Variants in NOS1AP observed in about 807,000 individuals in gnomAD.
NOS1AP encodes the protein carboxyl-terminal PDZ ligand of neuronal nitric oxide synthase protein.
Under a neutral mutation model 56.2 loss-of-function variants are expected in NOS1AP, and 21 were observed. The ratio of observed to expected loss-of-function variants is 0.37; its 90% CI spans 0.26 to 0.54. NOS1AP has a LOEUF of 0.54. Ranked by LOEUF, NOS1AP falls within the 20% of genes least tolerant of loss-of-function variation. NOS1AP has a pLI of 0.84. For missense variants in NOS1AP, 522 were observed against 657.8 expected (o/e 0.79, Z 2.26); for synonymous variants, 270 against 274.6 (o/e 0.98, Z 0.17).
At chr1:162,349,194 A>T (rs925211135) in intron 6 of NOS1AP, among the ~76,000 whole-genome samples, 36 of 151,536 alleles carry the variant, frequency 2.4e-4, no homozygotes, top group African/African-American at 8.7e-4. Flanking sequence ...ACTCCAAAAA[A>T]GGGGAAAAAA....
chr1:162,209,155 C>A (rs978568227), intron 2 of NOS1AP, among the ~76,000 whole-genome samples: 1 of 152,182 alleles, frequency 6.6e-6, no homozygotes, highest in Non-Finnish European at 1.5e-5. Context: ...CCCCATGGGG[C>A]CTCTGTATTT....
chr1:162,312,286 G>A (rs1429045767), intron 4 of NOS1AP, among the ~76,000 whole-genome samples: 1 of 142,058 alleles, frequency 7.0e-6, no homozygotes, highest in Non-Finnish European at 1.5e-5. Flanking sequence ...TAACTGGTGT[G>A]AGATGGTATC....
chr1:162,316,617 A>C (rs1300852220), intron 4 of NOS1AP, among the ~76,000 whole-genome samples: 1 of 152,228 alleles, frequency 6.6e-6, no homozygotes, highest in Non-Finnish European at 1.5e-5. Context: ...AGGCAGACTG[A>C]GTCCCAAAAG....
Position 162,165,677 on chromosome 1 carries a change from A to G in NOS1AP, c.177+11201A>G, listed in dbSNP as rs75865666. Among the ~76,000 whole-genome samples, 396 of 152,322 alleles carry G rather than the reference A, an allele frequency of 2.6e-3. 4 individuals carry two copies. Among genetic ancestry groups the G allele is most frequent in the African/African-American group, 8.7e-3 (360 of 41,580 alleles). ...TCTGACTCAGAGATCCTACAAGAAC[A>G]TGCCGACTGTCCCTGTTTAACCAAA... On this transcript the variant is annotated intron_variant, in intron 2 of 9. Transcript: ENST00000361897.
chr1:162,124,335 C>G (rs377274814), intron 1 of NOS1AP, among the ~76,000 whole-genome samples: 3 of 152,064 alleles, frequency 2.0e-5, no homozygotes, highest in East Asian at 1.9e-4. Flanking sequence ...AATGCCTTTG[C>G]GTACCCAGGG....
At chr1:162,350,465 G>A (rs1199331160) in intron 6 of NOS1AP, among the ~76,000 whole-genome samples, 1 of 152,190 alleles carries the variant, frequency 6.6e-6, no homozygotes, top group Non-Finnish European at 1.5e-5. Flanking sequence ...CAAGCCAGGT[G>A]GAGCCACTGC....
intron 2 of NOS1AP, among the ~76,000 whole-genome samples, chr1:162,257,120 A>C (rs1654055611): frequency 6.6e-6 from 1 of 152,182 alleles, no homozygotes; most frequent in Non-Finnish European, 1.5e-5. Context: ...AAGATAATAA[A>C]AAATTAGCTC....
intron 2 of NOS1AP, among the ~76,000 whole-genome samples, chr1:162,171,043 G>C (rs1371326257): frequency 6.6e-6 from 1 of 152,184 alleles, no homozygotes; most frequent in African/African-American, 2.4e-5. Flanking sequence ...TTTGGATTTG[G>C]GGTGGGGTCC....
intron 1 of NOS1AP, among the ~76,000 whole-genome samples, chr1:162,108,328 C>T (rs10800305): frequency 0.51 from 77,093 of 152,018 alleles, 21,723 homozygotes; most frequent in Non-Finnish European, 0.64. Context: ...CAAGTTTGAA[C>T]ATCATATTGG....
At chr1:162,243,196 G>A (rs1015109604) in intron 2 of NOS1AP, among the ~76,000 whole-genome samples, 60 of 152,138 alleles carry the variant, frequency 3.9e-4, no homozygotes, top group African/African-American at 1.4e-3. Context: ...TATTGTAGCC[G>A]AGAGGGGACA....
chr1:162,199,478 G>A (rs10918859), intron 2 of NOS1AP, among the ~76,000 whole-genome samples: 25,445 of 152,168 alleles, frequency 0.17, 2,885 homozygotes, highest in East Asian at 0.39. Context: ...TCTGAGGGAT[G>A]TAGAGGTATG....
chr1:162,220,407 A>G (rs1039021684), intron 2 of NOS1AP, among the ~76,000 whole-genome samples: 1 of 152,090 alleles, frequency 6.6e-6, no homozygotes, highest in Non-Finnish European at 1.5e-5. Flanking sequence ...GTAGATGAAC[A>G]GTGTCTGGGG....
At chr1:162,313,348 T>G (rs1656114695) in intron 4 of NOS1AP, among the ~76,000 whole-genome samples, 1 of 152,228 alleles carries the variant, frequency 6.6e-6, no homozygotes, top group Admixed American at 6.5e-5. Context: ...TCCGTTTTCT[T>G]TCTTCAACAC....
chr1:162,099,579 G>A (rs1054237821), intron 1 of NOS1AP, among the ~76,000 whole-genome samples: 5 of 152,078 alleles, frequency 3.3e-5, no homozygotes, highest in African/African-American at 1.2e-4. Flanking sequence ...GATCAGTGAT[G>A]TTGAGCTTTT....
intron 1 of NOS1AP, among the ~76,000 whole-genome samples, chr1:162,137,974 T>G (rs1649075259): frequency 6.6e-6 from 1 of 152,148 alleles, no homozygotes; most frequent in African/African-American, 2.4e-5. Flanking sequence ...GAGGGGGTGC[T>G]GGTGTGGTCA....
At chr1:162,092,906 T>G (rs1010436098) in intron 1 of NOS1AP, among the ~76,000 whole-genome samples, 1 of 152,208 alleles carries the variant, frequency 6.6e-6, no homozygotes, top group Non-Finnish European at 1.5e-5. Flanking sequence ...AAGCGGCAAG[T>G]GTTTGGCTGC....
At position 162,359,748 on chromosome 1, in the gene NOS1AP, C is replaced by T. The variant is rs538065101; in HGVS notation, c.939+2612C>T. Among the ~76,000 whole-genome samples the T allele has an allele frequency of 7.2e-5, 11 of 152,136 alleles. 1 individual carries two copies. Among genetic ancestry groups the T allele is most frequent in the South Asian group, 4.1e-4 (2 of 4,822 alleles). On this transcript the variant is annotated intron_variant, in intron 8 of 9. Transcript: ENST00000361897. ...GGGGGGCTGATTTCAGTTTCCAGCA[C>T]GAGGTCAGCTCTTACTTGTTCTGTC...
At chr1:162,135,054 T>G (rs1414088027) in intron 1 of NOS1AP, among the ~76,000 whole-genome samples, 1 of 152,320 alleles carries the variant, frequency 6.6e-6, no homozygotes, top group Middle Eastern at 3.4e-3. Flanking sequence ...AGTTCAAAAA[T>G]TATCTTCTCT....
intron 1 of NOS1AP, among the ~76,000 whole-genome samples, chr1:162,121,614 T>G (rs886294134): frequency 6.6e-6 from 1 of 152,128 alleles, no homozygotes; most frequent in Non-Finnish European, 1.5e-5. Flanking sequence ...TCTCAGGAAG[T>G]GGTAAACTGA....
Sources: allele counts gnomAD v4.1 joint callset (sites outside exome capture counted in the v4.1 genomes callset), GRCh38; gene constraint gnomAD v4.1.1; transcripts MANE v1.5; gene names NCBI Gene and HGNC (gene_info 2026-07-23, HGNC 2026-07-21).